Variants in PLB1 observed in about 807,000 individuals in gnomAD.
PLB1 encodes the protein phospholipase B1, membrane-associated.
In PLB1, 242 loss-of-function variants were observed where a neutral mutation model predicts 227.4. The ratio of observed to expected loss-of-function variants is 1.06; its 90% CI spans 0.96 to 1.18. PLB1 has a LOEUF of 1.18. PLB1 is among the 50% of genes most tolerant of loss of function. The probability of loss-of-function intolerance (pLI) is 0.00; values close to 1 mark genes in which losing one functional copy is unlikely to be tolerated. For missense variants in PLB1, 1,858 were observed against 1,816.3 expected, an observed-to-expected ratio of 1.02 and a Z score of -0.42; for synonymous variants, 757 against 682.2, an observed-to-expected ratio of 1.11 and a Z score of -1.71.
At chr2:28,632,638 G>A (rs1318396663) in intron 55 of PLB1, among the ~76,000 whole-genome samples, 2 of 151,902 alleles carry the variant, frequency 1.3e-5, no homozygotes, top group African/African-American at 2.4e-5. Flanking sequence ...AATACAAAAA[G>A]TTAGCTGGGC....
At chr2:28,623,648 T>C (rs1167362533) in intron 49 of PLB1, among the ~76,000 whole-genome samples, 1 of 152,174 alleles carries the variant, frequency 6.6e-6, no homozygotes, top group Non-Finnish European at 1.5e-5. Context: ...CACCCAAAGA[T>C]TTTCAGTGGC....
intron 43 of PLB1, 32 bp downstream of exon 43, chr2:28,606,599 C>A: frequency 6.3e-7 from 1 of 1,597,490 alleles, no homozygotes; most frequent in Non-Finnish European, 8.6e-7. Flanking sequence ...GGCTCCTCTC[C>A]ACAAACCAGG....
intron 1 of PLB1, among the ~76,000 whole-genome samples, chr2:28,497,878 C>T (rs527504883): frequency 3.7e-4 from 56 of 152,098 alleles, no homozygotes; most frequent in African/African-American, 1.3e-3. Flanking sequence ...GCCGCCGTGC[C>T]TGGCTAATTT....
chr2:28,573,988 T>C (rs529950961), intron 21 of PLB1, among the ~76,000 whole-genome samples: 2 of 152,194 alleles, frequency 1.3e-5, no homozygotes, highest in African/African-American at 4.8e-5. Flanking sequence ...ATCACTGTCA[T>C]GGTCCCTGGG....
chr2:28,599,691 A>G (rs1364858746), intron 35 of PLB1, among the ~76,000 whole-genome samples: 1 of 152,176 alleles, frequency 6.6e-6, no homozygotes, highest in Non-Finnish European at 1.5e-5. Flanking sequence ...ATCTCTGCTC[A>G]CGGTAACCTC....
Position 28,593,754 on chromosome 2 carries a change from G to A in PLB1, c.2321G>A (p.Ser774Asn). ...VTTQYRGLSY[S>N]AGGDGSLENV... ...ACACAGTATCGGGGACTGTCATACA[G>A]GTAATGTTAACCTTTGACCTCTCCC... The change falls in exon 33 of 58, where the codon AGT (serine) becomes AAT (asparagine). Residue 774 changes from serine (S) to asparagine (N), a missense_variant and splice_region_variant. By Grantham distance (46) the Ser-to-Asn change is conservative. Coordinates refer to ENST00000327757, the MANE Select transcript of PLB1 (RefSeq NM_153021.5). 1.2e-6 allele frequency: 2 copies of A among 1,613,440 alleles called. No individual in the cohort carries two copies. The highest frequency in any genetic ancestry group is 1.7e-6 in the Non-Finnish European group (2 of 1,179,552).
chr2:28,597,665 G>A (rs1324108288), intron 33 of PLB1, among the ~76,000 whole-genome samples: 2 of 152,278 alleles, frequency 1.3e-5, no homozygotes, highest in Non-Finnish European at 2.9e-5. Context: ...TCTGTAAAAT[G>A]GACATAGTCA....
chr2:28,563,228 T>G, intron 18 of PLB1, 129 bp downstream of exon 18: 3 of 885,828 alleles, frequency 3.4e-6, no homozygotes, highest in Non-Finnish European at 5.5e-6. Flanking sequence ...GGTCCTGATC[T>G]CCATCTCTCC....
intron 23 of PLB1, among the ~76,000 whole-genome samples, chr2:28,580,285 C>CA (rs1242609877): frequency 6.6e-6 from 1 of 152,240 alleles, no homozygotes; most frequent in East Asian, 1.9e-4. Flanking sequence ...GTACTAGGAG[C>CA]AAGGCAGTGG....
At chr2:28,602,533 T>C (rs1024695101) in intron 38 of PLB1, among the ~76,000 whole-genome samples, 1 of 152,256 alleles carries the variant, frequency 6.6e-6, no homozygotes, top group African/African-American at 2.4e-5. Context: ...GTAATTCTAA[T>C]GTATCTGGGC....
At chr2:28,531,575 T>C (rs1045527597) in intron 8 of PLB1, among the ~76,000 whole-genome samples, 1 of 152,212 alleles carries the variant, frequency 6.6e-6, no homozygotes, top group Non-Finnish European at 1.5e-5. Context: ...CCTCCCAAAG[T>C]GCTGGGATTA....
Position 28,591,123 on chromosome 2 carries a change from C to T in PLB1, c.2089-10C>T. 2 of 1,614,186 alleles carry T rather than the reference C, an allele frequency of 1.2e-6. No individual in the cohort carries two copies. The highest frequency in any genetic ancestry group is 1.7e-6 in the Non-Finnish European group (2 of 1,180,012). On this transcript the variant is annotated splice_polypyrimidine_tract_variant and intron_variant, in intron 29 of 57. Coordinates refer to ENST00000327757, the MANE Select transcript of PLB1 (RefSeq NM_153021.5). ...ATTTGCTGCCATTGCTCACCCCCCT[C>T]TCCTCACAGGTCCAGCCGTTTCTGA...
intron 9 of PLB1, 56 bp downstream of exon 9, chr2:28,532,250 G>T (rs1671114961): frequency 7.1e-7 from 1 of 1,415,950 alleles, no homozygotes; most frequent in South Asian, 1.2e-5. Context: ...GAGAGGGAGT[G>T]AACTAAACCT....
chr2:28,530,355 T>G (rs1027006842), intron 8 of PLB1, among the ~76,000 whole-genome samples: 12 of 152,200 alleles, frequency 7.9e-5, no homozygotes, highest in African/African-American at 2.9e-4. Flanking sequence ...AACCTCAGTT[T>G]TTCTGTTTAT....
At chr2:28,573,125 TG>T in intron 20 of PLB1, 71 bp from the exon 21 acceptor site, 1 of 1,208,682 alleles carries the variant, frequency 8.3e-7, no homozygotes, top group South Asian at 1.3e-5. Context: ...TAACACCCAC[TG>T]GTGCTTATCA....
rs1558849748 is a variant in PLB1 at position 28,590,037 on chromosome 2, T to C, written c.2049T>C (p.His683=). The part of the protein sequence containing the change: ...LEPVGQKTTR[H]KFENKINITC... ...CTGTTGGCCAGAAGACGACTCGTCA[T>C]AAGTTTGAAAACAAGATCAATATCA... The change falls in exon 29 of 58, where the codon CAT becomes CAC. Residue 683 remains histidine (H), a synonymous_variant. Transcript: ENST00000327757. 1.2e-6 allele frequency: 2 copies of C among 1,613,876 alleles called. No homozygotes were observed. The highest frequency in any genetic ancestry group is 4.5e-5 in the East Asian group (2 of 44,868).
intron 21 of PLB1, among the ~76,000 whole-genome samples, chr2:28,577,525 C>T (rs1413225833): frequency 6.6e-6 from 1 of 152,198 alleles, no homozygotes; most frequent in African/African-American, 2.4e-5. Flanking sequence ...AAGAAAAGTA[C>T]ACCATCAAAT....
intron 17 of PLB1, among the ~76,000 whole-genome samples, chr2:28,562,002 A>G (rs1344020304): frequency 6.6e-6 from 1 of 152,244 alleles, no homozygotes; most frequent in Non-Finnish European, 1.5e-5. Flanking sequence ...ATATGATTCT[A>G]TGTACATGAA....
intron 33 of PLB1, chr2:28,595,494 T>C (rs988545931): frequency 3.9e-5 from 6 of 152,188 alleles, no homozygotes; most frequent in African/African-American, 1.4e-4. Context: ...AACATTACCA[T>C]AACCTTCCTT....
Sources: gnomAD v4.1 joint callset for allele counts (sites outside exome capture counted in the v4.1 genomes callset) on GRCh38, gnomAD v4.1.1 for gene constraint, MANE v1.5 for transcripts, NCBI Gene and HGNC (gene_info 2026-07-23, HGNC 2026-07-21) for gene names.